The following SUGCT variants were observed in gnomAD, a reference collection of about 807,000 sequenced individuals.
SUGCT encodes the protein succinyl-CoA:glutarate CoA-transferase.
A neutral mutation model predicts 55.0 loss-of-function variants in SUGCT; 41 were observed. That is an observed-to-expected ratio of 0.74 (90% confidence interval 0.58 to 0.97). The LOEUF (loss-of-function observed/expected upper bound fraction) is 0.97. Ranked by LOEUF, SUGCT falls within the 50% of genes least tolerant of loss-of-function variation. SUGCT has a pLI of 0.00. For missense variants in SUGCT, 568 were observed against 547.8 expected (o/e 1.04, Z -0.37); for synonymous variants, 187 against 200.4 (o/e 0.93, Z 0.56).
chr7:40,361,884 A>G (rs945154696), intron 9 of SUGCT, among the ~76,000 whole-genome samples: 2 of 151,988 alleles, frequency 1.3e-5, no homozygotes, highest in African/African-American at 2.4e-5. Context: ...AAATATCCTG[A>G]TGCCTGAGAC....
chr7:40,442,420 G>T (rs1195965417), intron 9 of SUGCT, among the ~76,000 whole-genome samples: 1 of 152,022 alleles, frequency 6.6e-6, no homozygotes, highest in East Asian at 1.9e-4. Flanking sequence ...CACATACAAA[G>T]AAACTAGAAA....
chr7:40,516,875 G>T (rs1793265065), intron 12 of SUGCT, among the ~76,000 whole-genome samples: 1 of 151,864 alleles, frequency 6.6e-6, no homozygotes, highest in South Asian at 2.1e-4. Flanking sequence ...ATCCAGCTGG[G>T]ATTTTGTTAG....
chr7:41,031,273 G>GC, the SUGCT span, among the ~76,000 whole-genome samples: 21 of 152,272 alleles, frequency 1.4e-4, no homozygotes, highest in Non-Finnish European at 2.4e-4. Flanking sequence ...TGAAATGATG[G>GC]CCTGAAATGT....
At chr7:40,338,696 T>C (rs992733215) in intron 9 of SUGCT, among the ~76,000 whole-genome samples, 2 of 152,202 alleles carry the variant, frequency 1.3e-5, no homozygotes, top group African/African-American at 2.4e-5. Context: ...GGTTTGAACT[T>C]TCTGCTTTAG....
At chr7:40,265,209 A>G (rs1402319609) in intron 7 of SUGCT, among the ~76,000 whole-genome samples, 1 of 152,258 alleles carries the variant, frequency 6.6e-6, no homozygotes, top group Non-Finnish European at 1.5e-5. Context: ...ATAGGGACAC[A>G]TACATTTAAG....
At chr7:40,676,752 C>T (rs1490977096) in intron 12 of SUGCT, among the ~76,000 whole-genome samples, 9 of 152,126 alleles carry the variant, frequency 5.9e-5, no homozygotes, top group Non-Finnish European at 1.0e-4. Flanking sequence ...ATCCTCCCAC[C>T]TTGGCCTCCC....
intron 12 of SUGCT, among the ~76,000 whole-genome samples, chr7:40,577,013 A>G (rs192757005): frequency 6.6e-6 from 1 of 152,310 alleles, no homozygotes; most frequent in Admixed American, 6.5e-5. Flanking sequence ...ATTACCTGGA[A>G]ACTTGTTAGA....
At chr7:40,410,107 T>C (rs1786592125) in intron 9 of SUGCT, among the ~76,000 whole-genome samples, 1 of 152,178 alleles carries the variant, frequency 6.6e-6, no homozygotes, top group African/African-American at 2.4e-5. Context: ...AGATATGCAA[T>C]TACCATGCTT....
At chr7:40,395,593 G>C (rs1785685840) in intron 9 of SUGCT, among the ~76,000 whole-genome samples, 1 of 149,110 alleles carries the variant, frequency 6.7e-6, no homozygotes, top group Non-Finnish European at 1.5e-5. Flanking sequence ...AAAGTGATTT[G>C]TATGCAGATT....
At position 40,348,212 on chromosome 7, in the gene SUGCT, A is replaced by G. The variant is rs1797427749; in HGVS notation, c.816+31357A>G. Reference sequence around the variant, plus strand: ...GCGGGAGAGGTCTGGGCTTGTTGCAAACTGGGGTGGGCGGTGTGGTTAGCT... The same window carrying G: ...GCGGGAGAGGTCTGGGCTTGTTGCAGACTGGGGTGGGCGGTGTGGTTAGCT... On this transcript the variant is annotated intron_variant, in intron 9 of 13. Coordinates refer to ENST00000335693, the MANE Select transcript of SUGCT (RefSeq NM_001193313.2). 3.3e-5 allele frequency among the ~76,000 whole-genome samples: 5 copies of G among 152,336 alleles called. No homozygotes were observed. The South Asian group carries it at 1.0e-3, about 32-fold the overall frequency.
chr7:41,008,146 A>T, the SUGCT span, among the ~76,000 whole-genome samples: 1 of 152,140 alleles, frequency 6.6e-6, no homozygotes. Context: ...GGGCTGGGGG[A>T]TGCACAGAAA....
chr7:40,475,520 G>C (rs139190407), intron 11 of SUGCT, among the ~76,000 whole-genome samples: 1 of 152,096 alleles, frequency 6.6e-6, no homozygotes, highest in East Asian at 1.9e-4. Flanking sequence ...GATTGGCTTG[G>C]CATTATTTGC....
chr7:40,153,697 G>T, intron 1 of SUGCT: 1 of 502,638 alleles, frequency 2.0e-6, no homozygotes, highest in South Asian at 1.5e-5. Flanking sequence ...GTTATATTCT[G>T]GTGATAATAA....
intron 13 of SUGCT, among the ~76,000 whole-genome samples, chr7:40,800,708 C>T (rs1434677570): frequency 6.6e-6 from 1 of 151,910 alleles, no homozygotes; most frequent in African/African-American, 2.4e-5. Context: ...TGTTTTCTAC[C>T]CAGGAAGGTG....
intron 12 of SUGCT, among the ~76,000 whole-genome samples, chr7:40,628,112 A>T (rs1477045356): frequency 3.9e-5 from 6 of 152,222 alleles, no homozygotes. Flanking sequence ...ATTGGAAAAT[A>T]TGATATGCAA....
At chr7:40,413,150 T>A (rs754778598) in intron 9 of SUGCT, among the ~76,000 whole-genome samples, 2 of 152,194 alleles carry the variant, frequency 1.3e-5, no homozygotes, top group African/African-American at 2.4e-5. Context: ...GGCTGATTAG[T>A]GTAAATTTAT....
At chr7:40,147,549 G>A (rs1562795094) in intron 1 of SUGCT, among the ~76,000 whole-genome samples, 1 of 152,156 alleles carries the variant, frequency 6.6e-6, no homozygotes, top group Non-Finnish European at 1.5e-5. Flanking sequence ...TTTTTCCTTA[G>A]TCCCGACCAC....
intron 9 of SUGCT, among the ~76,000 whole-genome samples, chr7:40,439,448 A>C (rs1043903287): frequency 3.3e-5 from 5 of 151,894 alleles, no homozygotes; most frequent in Admixed American, 6.6e-5. Flanking sequence ...TCCTACACAT[A>C]TATCTTTTTG....
chr7:40,435,911 T>G (rs530286921), intron 9 of SUGCT, among the ~76,000 whole-genome samples: 15 of 151,200 alleles, frequency 9.9e-5, no homozygotes, highest in African/African-American at 3.6e-4. Flanking sequence ...ATGCCATACT[T>G]TATCTTGCTG....
Sources: gnomAD v4.1 joint callset for allele counts (sites outside exome capture counted in the v4.1 genomes callset) on GRCh38, gnomAD v4.1.1 for gene constraint, MANE v1.5 for transcripts, NCBI Gene and HGNC (gene_info 2026-07-23, HGNC 2026-07-21) for gene names.